EXOC4: variants seen among roughly 807,000 people sequenced by gnomAD.
EXOC4 encodes exocyst complex component 4, also known as SEC8-like 1.
EXOC4 carries 71 observed loss-of-function variants against 107.2 expected under a neutral mutation model. The ratio of observed to expected loss-of-function variants is 0.66; its 90% CI spans 0.55 to 0.81. The LOEUF (loss-of-function observed/expected upper bound fraction) is 0.81. EXOC4 is among the 30% of genes least tolerant of loss of function. The pLI is 0.00. For synonymous variants in EXOC4, 456 were observed against 441.2 expected, an observed-to-expected ratio of 1.03 and a Z score of -0.42; for missense variants, 1,108 against 1,189.6, an observed-to-expected ratio of 0.93 and a Z score of 1.01.
intron 2 of EXOC4, among the ~76,000 whole-genome samples, chr7:133,286,844 C>T (rs1172051322): frequency 6.6e-6 from 1 of 152,158 alleles, no homozygotes; most frequent in Non-Finnish European, 1.5e-5. Flanking sequence ...TCTCATGCCT[C>T]CCTCTCAACC....
At chr7:133,467,374 G>A (rs1166137380) in intron 7 of EXOC4, among the ~76,000 whole-genome samples, 3 of 151,752 alleles carry the variant, frequency 2.0e-5, no homozygotes, top group Non-Finnish European at 4.4e-5. Context: ...GTCTTGGTCG[G>A]TTGTCTCTTC....
At position 133,866,628 on chromosome 7, in the gene EXOC4, A is replaced by C. The variant is rs112701233; in HGVS notation, c.1735-28971A>C. ...ATCTCAGCTCTAACAAGTACCTTTT[A>C]ATTTATTTATCTACTTTCCTTCTTC... On this transcript the variant is annotated intron_variant, in intron 11 of 17. Coordinates refer to ENST00000253861, the MANE Select transcript of EXOC4 (RefSeq NM_021807.4). 5.3e-3 allele frequency among the ~76,000 whole-genome samples: 803 copies of C among 152,272 alleles called. 2 individuals are homozygous for C. Among genetic ancestry groups the C allele is most frequent in the Non-Finnish European group, 8.5e-3 (580 of 68,022 alleles).
chr7:134,091,692 AG>A, the EXOC4 span, among the ~76,000 whole-genome samples: 3 of 152,200 alleles, frequency 2.0e-5, no homozygotes, highest in Non-Finnish European at 4.4e-5. Context: ...GGCTTCCAAA[AG>A]GCAGGAAAAT....
intron 11 of EXOC4, among the ~76,000 whole-genome samples, chr7:133,823,847 A>ATATATATATATATATATATATAT (rs1797593395): frequency 1.2e-3 from 3 of 2,536 alleles, no homozygotes; most frequent in African/African-American, 3.8e-3. Flanking sequence ...TATATATTAT[A>ATATATATATATATATATATATAT]TATATATATA....
chr7:134,070,743 A>G (rs531378845), downstream of EXOC4, among the ~76,000 whole-genome samples: 13 of 152,150 alleles, frequency 8.5e-5, no homozygotes, highest in East Asian at 2.3e-3. Flanking sequence ...GCATACTATT[A>G]AGATGTATGT....
chr7:134,073,224 AAAAAAAAAC>A, the EXOC4 span, among the ~76,000 whole-genome samples: 2 of 34,760 alleles, frequency 5.8e-5, no homozygotes, highest in East Asian at 2.0e-3. Flanking sequence ...AAAAAAAAAA[AAAAAAAAAC>A]AACAAAGAAA....
the EXOC4 span, among the ~76,000 whole-genome samples, chr7:134,077,009 A>G: frequency 6.6e-6 from 1 of 152,040 alleles, no homozygotes; most frequent in East Asian, 1.9e-4. Flanking sequence ...GAGAGAGATG[A>G]GGAGACAGAA....
chr7:133,884,579 CTCTG>C (rs1397726542), intron 11 of EXOC4, among the ~76,000 whole-genome samples: 2 of 113,296 alleles, frequency 1.8e-5, no homozygotes, highest in African/African-American at 8.3e-5. Flanking sequence ...TTGCCCTATG[CTCTG>C]TGTGTGTGTG....
chr7:133,999,160 G>A (rs1239372282), intron 15 of EXOC4, among the ~76,000 whole-genome samples: 19 of 152,142 alleles, frequency 1.2e-4, no homozygotes, highest in Admixed American at 1.2e-3. Context: ...ATTCTATTCT[G>A]TATTGCTTTG....
chr7:133,341,155 A>T (rs1397615551), intron 5 of EXOC4, among the ~76,000 whole-genome samples: 1 of 151,914 alleles, frequency 6.6e-6, no homozygotes. Flanking sequence ...AGACTTTTTG[A>T]TGTAGGTGTT....
intron 10 of EXOC4, among the ~76,000 whole-genome samples, chr7:133,758,942 G>A (rs1585126229): frequency 6.6e-6 from 1 of 152,060 alleles, no homozygotes; most frequent in African/African-American, 2.4e-5. Flanking sequence ...AAGTGCTTAA[G>A]GAAAAAAATG....
intron 6 of EXOC4, among the ~76,000 whole-genome samples, chr7:133,359,400 A>G (rs913583212): frequency 1.3e-5 from 2 of 152,202 alleles, no homozygotes; most frequent in South Asian, 2.1e-4. Flanking sequence ...TATTAGTGGC[A>G]TTTATTTCAG....
At chr7:133,895,863 G>A in intron 12 of EXOC4, 128 bp downstream of exon 12, 1 of 1,004,350 alleles carries the variant, frequency 1.0e-6, no homozygotes, top group East Asian at 2.5e-5. Flanking sequence ...ATGAGAACAT[G>A]CATCATGGAA....
At chr7:133,605,873 C>G (rs1379453019) in intron 9 of EXOC4, among the ~76,000 whole-genome samples, 4 of 151,886 alleles carry the variant, frequency 2.6e-5, no homozygotes, top group Non-Finnish European at 5.9e-5. Context: ...CCTGGGGGCA[C>G]TCAAATGCTA....
chr7:133,904,057 G>C (rs997295020), intron 12 of EXOC4, among the ~76,000 whole-genome samples: 1 of 152,132 alleles, frequency 6.6e-6, no homozygotes, highest in Non-Finnish European at 1.5e-5. Flanking sequence ...GTAGAGGAAG[G>C]GTAAATAGAG....
chr7:133,651,093 G>A (rs1022127822), intron 10 of EXOC4, among the ~76,000 whole-genome samples: 7 of 151,918 alleles, frequency 4.6e-5, no homozygotes, highest in African/African-American at 1.7e-4. Flanking sequence ...AGGAAGAAAA[G>A]TCATACACCA....
At chr7:133,293,598 G>A (rs1468409947) in intron 3 of EXOC4, among the ~76,000 whole-genome samples, 2 of 152,172 alleles carry the variant, frequency 1.3e-5, no homozygotes, top group African/African-American at 2.4e-5. Context: ...ATTGCTCTTG[G>A]CAGCTCCTGC....
intron 3 of EXOC4, among the ~76,000 whole-genome samples, chr7:133,302,782 G>GA (rs1445981209): frequency 6.6e-6 from 1 of 152,000 alleles, no homozygotes. Context: ...CTGTGAGACT[G>GA]TCTTGTTGCT....
chr7:133,633,374 T>C (rs1802634393), intron 10 of EXOC4, among the ~76,000 whole-genome samples: 2 of 152,208 alleles, frequency 1.3e-5, no homozygotes, highest in Non-Finnish European at 2.9e-5. Context: ...CCAAACTCTT[T>C]TTCTAATTGA....
Sources: gnomAD v4.1 joint callset for allele counts (sites outside exome capture counted in the v4.1 genomes callset) on GRCh38, gnomAD v4.1.1 for gene constraint, MANE v1.5 for transcripts, NCBI Gene and HGNC (gene_info 2026-07-23, HGNC 2026-07-21) for gene names.